The following UBE2U variants were observed in gnomAD, a reference collection of about 807,000 sequenced individuals.
The protein encoded by UBE2U is ubiquitin conjugating enzyme E2 U, also known as ubiquitin-conjugating enzyme E2 U.
In UBE2U, 39 loss-of-function variants were observed where a neutral mutation model predicts 41.2. The observed-to-expected ratio is 0.95, with a 90% confidence interval of 0.73 to 1.24. The LOEUF is 1.24. Among genes scored for constraint, UBE2U ranks in the 50% most tolerant of loss-of-function variants. The pLI is 0.00. For missense variants in UBE2U, 336 were observed against 363.1 expected, an observed-to-expected ratio of 0.93 and a Z score of 0.61; for synonymous variants, 107 against 117.8, an observed-to-expected ratio of 0.91 and a Z score of 0.60.
intron 2 of UBE2U, among the ~76,000 whole-genome samples, 170 bp downstream of exon 2, chr1:64,205,890 T>A (rs1557699165): frequency 6.6e-6 from 1 of 152,128 alleles, no homozygotes; most frequent in African/African-American, 2.4e-5. Context: ...ATATTCCCAT[T>A]TTTTTTATTT....
rs373252813 is a variant in UBE2U at position 64,234,964 on chromosome 1, A to G, written c.595+2315A>G. On this transcript the variant is annotated intron_variant, in intron 7 of 9. Coordinates refer to ENST00000371077, the MANE Select transcript of UBE2U (RefSeq NM_001366232.2). ...TCCTTCCACCAAAAAACAGATTGTT[A>G]CAGGAGGGTGCTTTCTAGAATAACA... is the stretch of plus-strand genomic sequence containing the variant. Among the ~76,000 whole-genome samples, 30 of 152,318 alleles carry G rather than the reference A, an allele frequency of 2.0e-4. 5 individuals carry two copies. The South Asian group carries it at 3.1e-3, about 16-fold the overall frequency.
At position 64,267,180 on chromosome 1, in the gene UBE2U, CT is replaced by C; in HGVS notation, c.927del (p.Leu310SerfsTer18). 6.5e-7 allele frequency: 1 copy of C among 1,535,640 alleles called. No homozygotes were observed. Among genetic ancestry groups the C allele is most frequent in the Non-Finnish European group, 8.7e-7 (1 of 1,143,148 alleles). ...EVEDLISWTN[T>X]LNTNTSED is the part of the protein sequence containing the mutation. ...GAAGATCTGATCTCCTGGACCAATA[CT>C]CTCAATACAAATACTTCAGAAGATT... On this transcript the variant is annotated frameshift_variant, in exon 10 of 10. Coordinates refer to ENST00000371077, the MANE Select transcript of UBE2U (RefSeq NM_001366232.2). LOFTEE classifies it high-confidence loss of function.
intron 6 of UBE2U, among the ~76,000 whole-genome samples, chr1:64,230,436 C>T (rs1194591548): frequency 1.3e-5 from 2 of 152,198 alleles, no homozygotes; most frequent in Non-Finnish European, 2.9e-5. Flanking sequence ...CCCAGTTTCA[C>T]TTATCAATTC....
intron 8 of UBE2U, among the ~76,000 whole-genome samples, chr1:64,243,766 C>A (rs888308338): frequency 2.0e-5 from 3 of 152,124 alleles, no homozygotes; most frequent in Admixed American, 6.6e-5. Flanking sequence ...CCACGTTGTA[C>A]CTTCTGCCTC....
intron 6 of UBE2U, among the ~76,000 whole-genome samples, chr1:64,229,187 G>T (rs778682081): frequency 5.3e-5 from 8 of 152,060 alleles, no homozygotes; most frequent in Non-Finnish European, 7.4e-5. Flanking sequence ...TAGAGACGGG[G>T]TTTCACCATG....
intron 6 of UBE2U, among the ~76,000 whole-genome samples, chr1:64,226,280 A>G (rs1481760080): frequency 2.0e-5 from 3 of 152,224 alleles, no homozygotes; most frequent in African/African-American, 7.2e-5. Context: ...AGTACATACT[A>G]TGTGATTCAA....
chr1:64,235,213 T>A (rs556705157), intron 7 of UBE2U, among the ~76,000 whole-genome samples: 1 of 152,366 alleles, frequency 6.6e-6, no homozygotes, highest in East Asian at 1.9e-4. Flanking sequence ...ACTAACCTAG[T>A]ATGTGATTCA....
intron 5 of UBE2U, among the ~76,000 whole-genome samples, chr1:64,216,120 A>G (rs1480636954): frequency 6.6e-6 from 1 of 152,138 alleles, no homozygotes; most frequent in East Asian, 1.9e-4. Flanking sequence ...ACCAAGTTCA[A>G]TTGCTCCTCC....
intron 4 of UBE2U, among the ~76,000 whole-genome samples, chr1:64,212,442 A>G (rs1651718116): frequency 6.6e-6 from 1 of 152,194 alleles, no homozygotes; most frequent in African/African-American, 2.4e-5. Flanking sequence ...CTTTGTATCT[A>G]TCATTGGACA....
At chr1:64,212,726 A>C (rs1478342678) in intron 4 of UBE2U, among the ~76,000 whole-genome samples, 1 of 152,188 alleles carries the variant, frequency 6.6e-6, no homozygotes, top group East Asian at 1.9e-4. Context: ...GAAATACTCC[A>C]GTGAGCATTT....
intron 7 of UBE2U, among the ~76,000 whole-genome samples, chr1:64,238,701 A>G (rs1644716568): frequency 1.3e-5 from 2 of 152,042 alleles, no homozygotes; most frequent in African/African-American, 4.8e-5. Context: ...TTTTCTATCA[A>G]TGGCAAATGT....
chr1:64,220,563 A>G (rs1158864843), intron 5 of UBE2U, among the ~76,000 whole-genome samples: 1 of 151,828 alleles, frequency 6.6e-6, no homozygotes, highest in Non-Finnish European at 1.5e-5. Flanking sequence ...GGCACATTCA[A>G]TTCCTGAACT....
At chr1:64,238,890 A>C (rs1246619908) in intron 7 of UBE2U, among the ~76,000 whole-genome samples, 1 of 151,662 alleles carries the variant, frequency 6.6e-6, no homozygotes, top group African/African-American at 2.4e-5. Flanking sequence ...AAAAAGTTAA[A>C]AATTAGCCAG....
At chr1:64,254,582 A>G (rs990928223) in intron 8 of UBE2U, among the ~76,000 whole-genome samples, 1 of 152,198 alleles carries the variant, frequency 6.6e-6, no homozygotes, top group African/African-American at 2.4e-5. Context: ...TCAAATTAGA[A>G]CTCAAGATTA....
At chr1:64,239,112 AAG>A (rs1179652234) in intron 7 of UBE2U, among the ~76,000 whole-genome samples, 12 of 12,820 alleles carry the variant, frequency 9.4e-4, no homozygotes, top group African/African-American at 2.7e-3. Context: ...GAAGAAGAAG[AAG>A]AAGAAGAAGA....
chr1:64,241,808 T>C (rs1644839742), intron 8 of UBE2U, 75 bp downstream of exon 8: 1 of 1,127,034 alleles, frequency 8.9e-7, no homozygotes, highest in African/African-American at 1.6e-5. Context: ...CTATCCAACT[T>C]GGAAATAACA....
intron 5 of UBE2U, among the ~76,000 whole-genome samples, chr1:64,218,619 G>A (rs1021086656): frequency 2.0e-5 from 3 of 151,994 alleles, no homozygotes; most frequent in East Asian, 3.9e-4. Flanking sequence ...TAGGCTTTTC[G>A]GTTTTAGATA....
rs1379774444 is a variant in UBE2U, at chr1:64,220,886, A to T, written c.485A>T (p.Lys162Ile). ...AAAGATGACAGCCAGGAGTTACCTA[A>T]AGACCCACGTAAATGTATCAGGTAA... Reference protein sequence around the residue: ...QMKDDSQELPKDPRKCIRPIK... With the variant: ...QMKDDSQELPIDPRKCIRPIK... Residue 162 changes from lysine to isoleucine, a missense_variant, in exon 6 of 10, where the codon AAA (lysine) becomes ATA (isoleucine). Transcript: ENST00000371077. The T allele has an allele frequency of 6.2e-6, 10 of 1,606,788 alleles. No homozygotes were observed. Among genetic ancestry groups the T allele is most frequent in the Non-Finnish European group, 8.5e-6 (10 of 1,177,776 alleles).
chr1:64,265,847 G>T (rs1203527601), intron 9 of UBE2U, among the ~76,000 whole-genome samples: 1 of 152,140 alleles, frequency 6.6e-6, no homozygotes, highest in African/African-American at 2.4e-5. Flanking sequence ...CAAAATGCTG[G>T]GATTACAGGT....
Sources: gnomAD v4.1 joint callset for allele counts (sites outside exome capture counted in the v4.1 genomes callset) on GRCh38, gnomAD v4.1.1 for gene constraint, MANE v1.5 for transcripts, NCBI Gene and HGNC (gene_info 2026-07-23, HGNC 2026-07-21) for gene names.